USH2A: variants seen among roughly 807,000 people sequenced by gnomAD.
USH2A encodes the protein usherin, also known as Usher syndrome 2A (autosomal recessive, mild).
Under a neutral mutation model 538.9 loss-of-function variants are expected in USH2A, and 443 were observed. That is an observed-to-expected ratio of 0.82 (90% CI 0.76 to 0.89). The LOEUF (loss-of-function observed/expected upper bound fraction) is 0.89. USH2A is among the 40% of genes least tolerant of loss of function. The pLI is 0.00. For missense variants in USH2A, 6,633 were observed against 6,324.8 expected, an observed-to-expected ratio of 1.05 and a Z score of -1.65; for synonymous variants, 2,413 against 2,273.5, an observed-to-expected ratio of 1.06 and a Z score of -1.75.
At chr1:216,302,148 G>A (rs1231363340) in intron 9 of USH2A, among the ~76,000 whole-genome samples, 1 of 152,164 alleles carries the variant, frequency 6.6e-6, no homozygotes, top group East Asian at 1.9e-4. Context: ...TTTCAGAGGG[G>A]AACACAGATA....
chr1:216,336,577 C>A (rs1253354932), intron 4 of USH2A, among the ~76,000 whole-genome samples: 1 of 151,474 alleles, frequency 6.6e-6, no homozygotes, highest in Non-Finnish European at 1.5e-5. Context: ...TGCATACCTA[C>A]TGCATTTCAG....
chr1:216,200,287 C>T (rs927334163), intron 16 of USH2A, among the ~76,000 whole-genome samples, 166 bp from the exon 17 acceptor site: 3 of 152,048 alleles, frequency 2.0e-5, no homozygotes, highest in East Asian at 1.9e-4. Context: ...ATGTAAATAC[C>T]GGTTGATTGC....
chr1:216,229,671 T>G (rs1234411411), intron 14 of USH2A, among the ~76,000 whole-genome samples: 2 of 152,170 alleles, frequency 1.3e-5, no homozygotes, highest in Admixed American at 1.3e-4. Flanking sequence ...TTATACCCAC[T>G]TCTTTGGTCC....
In USH2A at chr1:215,898,585, CA is replaced by C. The variant is rs370038200; in HGVS notation, c.7594+1489del. Among the ~76,000 whole-genome samples, 1,360 of 146,876 alleles carry C rather than the reference CA, an allele frequency of 9.3e-3. 15 individuals are homozygous for C. The highest frequency in any genetic ancestry group is 0.032 in the African/African-American group (1,280 of 40,092). ...TCTAGGAGAATAAAGAATGCTGTGC[CA>C]AAAAAAAAATGCTTTCTCCCTTCTT... is the stretch of plus-strand genomic sequence containing the variant. On this transcript the variant is annotated intron_variant, in intron 40 of 71. Transcript: ENST00000307340.
At chr1:215,726,033 A>T (rs191577640) in intron 61 of USH2A, among the ~76,000 whole-genome samples, 127 of 152,330 alleles carry the variant, frequency 8.3e-4, no homozygotes, top group Admixed American at 1.4e-3. Flanking sequence ...CCTACCCCTG[A>T]AAGTTGTATT....
intron 46 of USH2A, among the ~76,000 whole-genome samples, chr1:215,838,364 A>G (rs777498187): frequency 1.3e-5 from 2 of 152,216 alleles, no homozygotes; most frequent in Admixed American, 1.3e-4. Flanking sequence ...ATTCACAAAG[A>G]GAAAGATACA....
intron 9 of USH2A, among the ~76,000 whole-genome samples, chr1:216,319,447 A>G (rs2037566960): frequency 1.3e-5 from 2 of 152,154 alleles, no homozygotes; most frequent in Admixed American, 1.3e-4. Flanking sequence ...ATTTTTCCTC[A>G]TAATATACTA....
At chr1:215,856,792 G>A (rs1031459231) in intron 44 of USH2A, among the ~76,000 whole-genome samples, 2 of 151,550 alleles carry the variant, frequency 1.3e-5, no homozygotes, top group African/African-American at 4.8e-5. Flanking sequence ...CATGGAACCA[G>A]CCCAAACGCC....
chr1:215,876,657 G>A (rs190666388), intron 43 of USH2A, among the ~76,000 whole-genome samples: 6 of 152,180 alleles, frequency 3.9e-5, no homozygotes, highest in Non-Finnish European at 8.8e-5. Context: ...ATAGTGATAT[G>A]TTAGGGGATG....
chr1:215,721,174 A>G (rs567751758), intron 61 of USH2A, among the ~76,000 whole-genome samples: 1 of 152,220 alleles, frequency 6.6e-6, no homozygotes, highest in East Asian at 1.9e-4. Context: ...TCCCGGGTCC[A>G]AGAAATTCCC....
At chr1:215,805,137 G>A (rs1662460083) in intron 49 of USH2A, among the ~76,000 whole-genome samples, 1 of 152,070 alleles carries the variant, frequency 6.6e-6, no homozygotes, top group African/African-American at 2.4e-5. Flanking sequence ...CCTGTTGTGG[G>A]GTGGGGAGAT....
At chr1:215,898,908 T>G (rs1665417962) in intron 40 of USH2A, among the ~76,000 whole-genome samples, 1 of 152,198 alleles carries the variant, frequency 6.6e-6, no homozygotes, top group Non-Finnish European at 1.5e-5. Flanking sequence ...GATAATTTAC[T>G]AAATGATACC....
At chr1:215,720,646 A>G (rs1205394182) in intron 61 of USH2A, among the ~76,000 whole-genome samples, 1 of 152,178 alleles carries the variant, frequency 6.6e-6, no homozygotes, top group Non-Finnish European at 1.5e-5. Context: ...CAAGAAAGGA[A>G]TGAGTTTTGT....
intron 38 of USH2A, 131 bp downstream of exon 38, chr1:215,934,485 A>G: frequency 1.1e-6 from 1 of 942,862 alleles, no homozygotes; most frequent in Middle Eastern, 3.3e-4. Flanking sequence ...AACTATTAAA[A>G]GAACCAGAAA....
intron 37 of USH2A, among the ~76,000 whole-genome samples, chr1:215,955,904 C>T (rs970187899): frequency 6.6e-6 from 1 of 152,020 alleles, no homozygotes; most frequent in African/African-American, 2.4e-5. Context: ...TGATAAGGAC[C>T]CATCACCATC....
At chr1:215,760,831 C>G (rs1297850229) in intron 56 of USH2A, among the ~76,000 whole-genome samples, 1 of 152,208 alleles carries the variant, frequency 6.6e-6, no homozygotes, top group Admixed American at 6.5e-5. Context: ...CTCTCATAAA[C>G]TCCTGTCATA....
intron 71 of USH2A, among the ~76,000 whole-genome samples, chr1:215,627,807 C>T (rs1316319217): frequency 6.6e-6 from 1 of 152,160 alleles, no homozygotes; most frequent in Admixed American, 6.5e-5. Flanking sequence ...GGATTACAGG[C>T]GTAAGCCACT....
At chr1:215,817,913 G>A (rs1440033108) in intron 47 of USH2A, among the ~76,000 whole-genome samples, 1 of 151,730 alleles carries the variant, frequency 6.6e-6, no homozygotes, top group Non-Finnish European at 1.5e-5. Flanking sequence ...AGACAGCAAG[G>A]CCAACCTTTC....
At chr1:215,864,497 C>G (rs1406145657) in intron 44 of USH2A, among the ~76,000 whole-genome samples, 1 of 152,100 alleles carries the variant, frequency 6.6e-6, no homozygotes, top group African/African-American at 2.4e-5. Flanking sequence ...GGGACCGGGT[C>G]AGATTTTTAG....
Sources: allele counts gnomAD v4.1 joint callset (sites outside exome capture counted in the v4.1 genomes callset), GRCh38; gene constraint gnomAD v4.1.1; transcripts MANE v1.5; gene names NCBI Gene and HGNC (gene_info 2026-07-23, HGNC 2026-07-21).